Variants in PDE4B observed in about 807,000 individuals in gnomAD.
PDE4B encodes 3',5'-cyclic-AMP phosphodiesterase 4B.
Under a neutral mutation model 82.2 loss-of-function variants are expected in PDE4B, and 20 were observed. That is an observed-to-expected ratio of 0.24 (90% CI 0.17 to 0.35). PDE4B has a LOEUF of 0.35. Among genes scored for constraint, PDE4B ranks in the 10% least tolerant of loss-of-function variants. The pLI is 1.00. For missense variants in PDE4B, 655 were observed against 907.2 expected (o/e 0.72, Z 3.57); for synonymous variants, 320 against 318.9 (o/e 1.00, Z -0.04).
At chr1:65,988,364 G>A (rs1651060073) in intron 3 of PDE4B, among the ~76,000 whole-genome samples, 1 of 152,050 alleles carries the variant, frequency 6.6e-6, no homozygotes, top group African/African-American at 2.4e-5. Flanking sequence ...CAATTTGGGG[G>A]TTGCTGTAGT....
At chr1:65,913,434 TG>T in intron 2 of PDE4B, 78 bp downstream of exon 2, 1 of 1,403,000 alleles carries the variant, frequency 7.1e-7, no homozygotes, top group Non-Finnish European at 1.0e-6. Context: ...AAAGGGCAGC[TG>T]GGGGCATTTA....
intron 3 of PDE4B, among the ~76,000 whole-genome samples, chr1:66,060,905 G>C (rs1403537582): frequency 6.6e-6 from 1 of 151,656 alleles, no homozygotes; most frequent in African/African-American, 2.4e-5. Context: ...TTCAGTGGGG[G>C]TATCTTTCTT....
intron 3 of PDE4B, among the ~76,000 whole-genome samples, chr1:66,163,796 A>T (rs1272746921): frequency 6.6e-6 from 1 of 152,178 alleles, no homozygotes; most frequent in African/African-American, 2.4e-5. Flanking sequence ...TTCCCATCAC[A>T]CTTCAGATTT....
chr1:65,843,565 A>G (rs2101354663), intron 1 of PDE4B, among the ~76,000 whole-genome samples: 1 of 152,320 alleles, frequency 6.6e-6, no homozygotes. Flanking sequence ...ATTGGTGTAT[A>G]TAAACTTGAG....
rs139697202 is a variant in PDE4B, at chr1:66,238,823, A to G, written c.282-8637A>G. On this transcript the variant is annotated intron_variant, in intron 3 of 16. Coordinates refer to ENST00000341517, the MANE Select transcript of PDE4B (RefSeq NM_002600.4). The stretch of plus-strand genomic sequence containing the variant: ...AAAGTTTCCTAGCCAAGTCTTGAAG[A>G]ATTAAATCAATTCAAAAATTTAATT... Among the ~76,000 whole-genome samples, 772 of 152,340 alleles carry G rather than the reference A, an allele frequency of 5.1e-3. 4 individuals carry two copies. Among genetic ancestry groups the G allele is most frequent in the Middle Eastern group, 0.024 (7 of 294 alleles).
intron 3 of PDE4B, among the ~76,000 whole-genome samples, chr1:66,142,251 C>A (rs1646187801): frequency 6.6e-6 from 1 of 152,022 alleles, no homozygotes; most frequent in Admixed American, 6.6e-5. Context: ...ATAAGTGGAC[C>A]TGTATGCTTT....
At chr1:66,009,499 A>G (rs1191915328) in intron 3 of PDE4B, among the ~76,000 whole-genome samples, 1 of 152,120 alleles carries the variant, frequency 6.6e-6, no homozygotes, top group Admixed American at 6.6e-5. Context: ...TTTCACTCAG[A>G]GTATGGGTCA....
chr1:66,013,317 C>T (rs1370980617), intron 3 of PDE4B, among the ~76,000 whole-genome samples: 1 of 152,066 alleles, frequency 6.6e-6, no homozygotes, highest in African/African-American at 2.4e-5. Flanking sequence ...AGTGGACAGG[C>T]AGTTTTTCAT....
At chr1:66,225,151 T>C (rs1651341193) in intron 3 of PDE4B, among the ~76,000 whole-genome samples, 1 of 152,154 alleles carries the variant, frequency 6.6e-6, no homozygotes, top group Admixed American at 6.5e-5. Context: ...AACATGACAT[T>C]AAAGAAGCCT....
At chr1:65,884,170 A>G (rs974053765) in intron 1 of PDE4B, among the ~76,000 whole-genome samples, 7 of 152,186 alleles carry the variant, frequency 4.6e-5, no homozygotes, top group Non-Finnish European at 1.0e-4. Flanking sequence ...TGCTGGCCTC[A>G]TAAAATGAGT....
chr1:66,196,892 T>A (rs1451409408), intron 3 of PDE4B, among the ~76,000 whole-genome samples: 3 of 151,904 alleles, frequency 2.0e-5, no homozygotes, highest in African/African-American at 7.3e-5. Context: ...CGCACCAGCA[T>A]GGCACATGTA....
chr1:66,047,526 C>A (rs1654782763), intron 3 of PDE4B, among the ~76,000 whole-genome samples: 3 of 151,862 alleles, frequency 2.0e-5, no homozygotes, highest in Admixed American at 2.0e-4. Context: ...AGCTCCAGCC[C>A]AGTGTTGCTC....
At chr1:66,154,797 G>C (rs1169350063) in intron 3 of PDE4B, among the ~76,000 whole-genome samples, 1 of 152,264 alleles carries the variant, frequency 6.6e-6, no homozygotes, top group South Asian at 2.1e-4. Flanking sequence ...CAAGGAATAT[G>C]CTTGTAAAGA....
chr1:65,864,436 G>A (rs1373987563), intron 1 of PDE4B, among the ~76,000 whole-genome samples: 1 of 152,052 alleles, frequency 6.6e-6, no homozygotes, highest in Non-Finnish European at 1.5e-5. Flanking sequence ...TGGAGAAGAG[G>A]CATTCTGGTT....
intron 7 of PDE4B, among the ~76,000 whole-genome samples, chr1:66,286,503 A>G (rs1656686620): frequency 6.6e-6 from 1 of 152,168 alleles, no homozygotes; most frequent in Non-Finnish European, 1.5e-5. Flanking sequence ...AAACATTATT[A>G]TTAATAAATC....
chr1:65,987,446 C>G (rs1651012549), intron 3 of PDE4B, among the ~76,000 whole-genome samples: 4 of 152,060 alleles, frequency 2.6e-5, no homozygotes, highest in Admixed American at 2.6e-4. Context: ...ACTGGATCAC[C>G]GTGGGAGCAT....
At chr1:66,144,709 T>C (rs1156339825) in intron 3 of PDE4B, among the ~76,000 whole-genome samples, 1 of 152,174 alleles carries the variant, frequency 6.6e-6, no homozygotes, top group Non-Finnish European at 1.5e-5. Flanking sequence ...GTCCCAAACA[T>C]TTTTGGAGGA....
chr1:66,133,901 C>G (rs927681426), intron 3 of PDE4B, among the ~76,000 whole-genome samples: 1 of 152,186 alleles, frequency 6.6e-6, no homozygotes, highest in African/African-American at 2.4e-5. Flanking sequence ...GTCCTAAAAG[C>G]TTTCTGACTT....
At chr1:65,943,856 G>A (rs180874450) in intron 3 of PDE4B, among the ~76,000 whole-genome samples, 11 of 152,028 alleles carry the variant, frequency 7.2e-5, no homozygotes, top group Non-Finnish European at 1.3e-4. Flanking sequence ...AAACTTTACC[G>A]AATTTTGTTT....
Sources: allele counts gnomAD v4.1 joint callset (sites outside exome capture counted in the v4.1 genomes callset), GRCh38; gene constraint gnomAD v4.1.1; transcripts MANE v1.5; gene names NCBI Gene and HGNC (gene_info 2026-07-23, HGNC 2026-07-21).